Variants in ADAD2 observed in about 807,000 individuals in gnomAD.
The protein encoded by ADAD2 is adenosine deaminase domain containing 2.
ADAD2 carries 60 observed loss-of-function variants against 54.5 expected under a neutral mutation model. That is an observed-to-expected ratio of 1.10 (90% CI 0.89 to 1.36). The LOEUF (loss-of-function observed/expected upper bound fraction) is 1.36. ADAD2 is among the 40% of genes most tolerant of loss of function. The pLI is 0.00. For synonymous variants in ADAD2, 543 were observed against 366.2 expected (o/e 1.48, Z -5.51); for missense variants, 1,103 against 801.3 (o/e 1.38, Z -4.54).
chr16:84,194,418 T>C, intron 1 of ADAD2, 24 bp from the exon 2 acceptor site: 1 of 1,597,442 alleles, frequency 6.3e-7, no homozygotes, highest in East Asian at 2.2e-5. Context: ...AGGGGGCTGC[T>C]TCCTCACCTG....
Position 84,195,523 on chromosome 16 carries a change from C to G in ADAD2, c.885-7C>G, listed in dbSNP as rs770342153. 6.3e-7 allele frequency: 1 copy of G among 1,599,150 alleles called. No homozygotes were observed. The highest frequency in any genetic ancestry group is 8.5e-7 in the Non-Finnish European group (1 of 1,171,772). On this transcript the variant is annotated splice_region_variant and splice_polypyrimidine_tract_variant and intron_variant, in intron 5 of 9. Transcript: ENST00000315906. ...CTTCCCAACCACCCTGTGCCTGTCGCTCCTAGGTTCTTGTTCCGGCAGCTC... is the reference window on the plus strand; with the variant it reads ...CTTCCCAACCACCCTGTGCCTGTCGGTCCTAGGTTCTTGTTCCGGCAGCTC...
chr16:84,194,179 A>G (rs1325570573), intron 1 of ADAD2: 1 of 1,594,166 alleles, frequency 6.3e-7, no homozygotes, highest in Non-Finnish European at 8.6e-7. Context: ...GTTTCTGCTC[A>G]TCTGTGAAAT....
At chr16:84,196,587 G>A in intron 8 of ADAD2, 60 bp from the exon 9 acceptor site, 1 of 1,592,454 alleles carries the variant, frequency 6.3e-7, no homozygotes. Context: ...GAGGTGTGTA[G>A]CAGGCCTGCT....
At position 84,196,250 on chromosome 16, in the gene ADAD2, G is replaced by C. The variant is rs1261815878; in HGVS notation, c.1406G>C (p.Gly469Ala). 6.2e-7 allele frequency: 1 copy of C among 1,612,392 alleles called. No homozygotes were observed. The highest frequency in any genetic ancestry group is 1.7e-5 in the Admixed American group (1 of 60,016). The change falls in exon 8 of 10, where the codon GGG becomes GCG. Residue 469 changes from glycine to alanine, a missense_variant. By Grantham distance (60) the Gly-to-Ala change is moderately conservative. Coordinates refer to ENST00000315906, the MANE Select transcript of ADAD2 (RefSeq NM_001145400.2). ...YVRTALHLFA[G>A]PPVAPSEPTP... is the part of the protein sequence containing the mutation. ...CGGACCGCCCTGCACCTGTTTGCAG[G>C]GCCCCCGGTGGCCCCTTCCGAACCC...
rs766729032 is a variant in ADAD2 at position 84,194,649 on chromosome 16, G to C, written c.559+67G>C. The C allele has an allele frequency of 2.1e-5, 32 of 1,554,690 alleles. No individual in the cohort carries two copies. In the Middle Eastern group the frequency reaches 6.8e-4, roughly 33 times the overall value. On this transcript the variant is annotated intron_variant, in intron 2 of 9. Transcript: ENST00000315906. ...CAAGAGGACTGAGGCTGGCAGTCCC[G>C]TGGGGAGGCGGAAGTGGCTGTGCGT...
At position 84,194,631 on chromosome 16, in the gene ADAD2, A is replaced by T. The variant is rs11646787; in HGVS notation, c.559+49A>T. ...CTGAGCCGCAGCTGGGGACAAGAGG[A>T]CTGAGGCTGGCAGTCCCGTGGGGAG... On this transcript the variant is annotated intron_variant, in intron 2 of 9. Transcript: ENST00000315906. 8.2e-4 allele frequency: 1,288 copies of T among 1,569,496 alleles called. 26 individuals are homozygous for T. The East Asian group carries it at 0.027, about 32-fold the overall frequency.
chr16:84,194,461 G>T lies in ADAD2; in HGVS notation c.438G>T (p.Ser146=), dbSNP rs149275516. ...DQPPGPCFPF[S]VSAELDGVVC... is the part of the protein sequence containing the mutation. The stretch of plus-strand genomic sequence containing the variant: ...CCCCAGGTCCCTGCTTCCCCTTCTC[G>T]GTGAGCGCGGAACTGGATGGGGTGG... The change falls in exon 2 of 10, where the codon TCG becomes TCT. Residue 146 remains serine, a synonymous_variant. Transcript: ENST00000315906. 2 of 1,607,356 alleles carry T rather than the reference G, an allele frequency of 1.2e-6. No homozygotes were observed. Among genetic ancestry groups the T allele is most frequent in the Non-Finnish European group, 1.7e-6 (2 of 1,179,558 alleles).
rs11864937 is a variant in ADAD2 at position 84,194,593 on chromosome 16, G to T, written c.559+11G>T. 0.29 allele frequency: 455,890 copies of T among 1,595,372 alleles called. 67,622 individuals are homozygous for T. Among genetic ancestry groups the T allele is most frequent in the African/African-American group, 0.44 (33,027 of 74,552 alleles). On this transcript the variant is annotated intron_variant, in intron 2 of 9. Transcript: ENST00000315906. Reference sequence around the variant, plus strand: ...AGCTGGAGAACCCAGGTAATGGAGGGAGGGCCAGGCAGCTGAGCCGCAGCT... The same window carrying T: ...AGCTGGAGAACCCAGGTAATGGAGGTAGGGCCAGGCAGCTGAGCCGCAGCT...
intron 1 of ADAD2, chr16:84,191,928 G>T: frequency 1.8e-6 from 1 of 563,554 alleles, no homozygotes; most frequent in Non-Finnish European, 3.2e-6. Flanking sequence ...AAGGCCCCCT[G>T]GTATTTCTGT....
At position 84,194,542 on chromosome 16, in the gene ADAD2, C is replaced by T. The variant is rs755053161; in HGVS notation, c.519C>T (p.Leu173=). 16 of 1,609,438 alleles carry T rather than the reference C, an allele frequency of 9.9e-6. No individual in the cohort carries two copies. Among genetic ancestry groups the T allele is most frequent in the South Asian group, 1.1e-5 (1 of 89,910 alleles). The change falls in exon 2 of 10, where the codon CTC becomes CTT. Residue 173 remains leucine (L), a synonymous_variant. Transcript: ENST00000315906. ...CGGAGGCCAAACAGCAGGCAGCGCT[C>T]TCTGCCCTCTGCTACATCCGGAGTC... The part of the protein sequence containing the change: ...SKTEAKQQAA[L]SALCYIRSQL...
chr16:84,195,838 G>T lies in ADAD2; in HGVS notation c.1076G>T (p.Gly359Val). Reference protein sequence around the residue: ...DIYLPPTSEGGLPHSPPMRLQ... With the variant: ...DIYLPPTSEGVLPHSPPMRLQ... ...AGCCTGCCCCCCACCTCGGAAGGTG[G>T]CCTCCCGCACAGCCCACCCATGCGC... is the stretch of plus-strand genomic sequence containing the variant. The change falls in exon 7 of 10, where the codon GGC becomes GTC. Residue 359 changes from glycine to valine, a missense_variant. Coordinates refer to ENST00000315906, the MANE Select transcript of ADAD2 (RefSeq NM_001145400.2). 1.9e-6 allele frequency: 3 copies of T among 1,605,292 alleles called. No homozygotes were observed. Among genetic ancestry groups the T allele is most frequent in the Non-Finnish European group, 2.5e-6 (3 of 1,177,562 alleles).
Position 84,195,330 on chromosome 16 carries a change from C to G in ADAD2, c.768C>G (p.Ile256Met), listed in dbSNP as rs1431574049. The G allele has an allele frequency of 3.1e-6, 5 of 1,610,868 alleles. No homozygotes were observed. The highest frequency in any genetic ancestry group is 4.2e-6 in the Non-Finnish European group (5 of 1,179,840). ...GTGCCAGGGGCCACGTGAAGGAGAT[C>G]TACAAGCTGGTGGCTCTGGGCACCG... ...IPRARGHVKE[I>M]YKLVALGTGS... The change falls in exon 5 of 10, where the codon ATC (isoleucine) becomes ATG (methionine). Residue 256 changes from isoleucine to methionine, a missense_variant. Transcript: ENST00000315906.
At chr16:84,193,342 C>T (rs890133735) in intron 1 of ADAD2, 2 of 152,160 alleles carry the variant, frequency 1.3e-5, no homozygotes, top group African/African-American at 4.8e-5. Context: ...TTACCTGAAA[C>T]AGTTCCTGTC....
chr16:84,195,108 T>C lies in ADAD2; in HGVS notation c.647T>C (p.Val216Ala). The C allele has an allele frequency of 2.5e-6, 4 of 1,613,726 alleles. No homozygotes were observed. Among genetic ancestry groups the C allele is most frequent in the Non-Finnish European group, 3.4e-6 (4 of 1,179,992 alleles). Residue 216 changes from valine (V) to alanine (A), a missense_variant, in exon 4 of 10, where the codon GTG (valine) becomes GCG (alanine). Physicochemically the swap from Val to Ala is moderately conservative, Grantham distance 64. Coordinates refer to ENST00000315906, the MANE Select transcript of ADAD2 (RefSeq NM_001145400.2). ...LTHEQRCAAL[V>A]SAGFDLLLDE... Reference sequence around the variant, plus strand: ...CATGAGCAGCGCTGCGCAGCGTTGGTGAGCGCCGGCTTTGACCTCCTGTTG... The same window carrying C: ...CATGAGCAGCGCTGCGCAGCGTTGGCGAGCGCCGGCTTTGACCTCCTGTTG...
In ADAD2 at chr16:84,197,056, G is replaced by A; in HGVS notation, c.*82G>A. On this transcript the variant is annotated 3_prime_UTR_variant, in exon 10 of 10. Coordinates refer to ENST00000315906, the MANE Select transcript of ADAD2 (RefSeq NM_001145400.2). ...TGCCCTATCTGAGGAGCGTTGTGGG[G>A]AGAACATGGGTTGTGCGGGGTGAAA... The A allele has an allele frequency of 7.1e-7, 1 of 1,399,516 alleles. No homozygotes were observed. Among genetic ancestry groups the A allele is most frequent in the Non-Finnish European group, 9.8e-7 (1 of 1,017,842 alleles). The allele number at this position is 1,399,516 out of a possible 1,614,324, so 86.7% of individuals were successfully genotyped here. A position where few individuals can be genotyped will look rare whatever the true frequency, so the allele number is the denominator to read the frequency against.
chr16:84,194,154 G>T (rs892462164), intron 1 of ADAD2: 2 of 1,610,192 alleles, frequency 1.2e-6, no homozygotes, highest in Non-Finnish European at 1.7e-6. Flanking sequence ...ACTCAAGTTG[G>T]GCAAACCGCC....
Position 84,195,361 on chromosome 16 carries a change from A to T in ADAD2, c.799A>T (p.Ser267Cys). 1.2e-6 allele frequency: 2 copies of T among 1,609,776 alleles called. No individual in the cohort carries two copies. Among genetic ancestry groups the T allele is most frequent in the Non-Finnish European group, 1.7e-6 (2 of 1,179,588 alleles). Residue 267 changes from serine (S) to cysteine (C), a missense_variant, in exon 5 of 10, where the codon AGC (serine) becomes TGC (cysteine). Coordinates refer to ENST00000315906, the MANE Select transcript of ADAD2 (RefSeq NM_001145400.2). ...YKLVALGTGS[S>C]CCAGWLEFSG... ...GCTGGTGGCTCTGGGCACCGGCAGC[A>T]GCTGCTGTGCTGGCTGGCTGGAGTT...
Position 84,196,988 on chromosome 16 carries a change from G to T in ADAD2, c.*14G>T. ...TTCAGAAACTGAAGCCAGCCTCGGC[G>T]GGACCGAGGTCCCGGAGCCAAGCTG... On this transcript the variant is annotated 3_prime_UTR_variant, in exon 10 of 10. Coordinates refer to ENST00000315906, the MANE Select transcript of ADAD2 (RefSeq NM_001145400.2). 1 of 1,577,956 alleles carries T rather than the reference G, an allele frequency of 6.3e-7. No homozygotes were observed. Among genetic ancestry groups the T allele is most frequent in the East Asian group, 2.3e-5 (1 of 43,364 alleles).
In ADAD2 at chr16:84,195,891, A is replaced by T. The variant is rs1452254567; in HGVS notation, c.1129A>T (p.Lys377Ter). 3 of 1,603,130 alleles carry T rather than the reference A, an allele frequency of 1.9e-6. No individual in the cohort carries two copies. Among genetic ancestry groups the T allele is most frequent in the South Asian group, 2.2e-5 (2 of 91,000 alleles). The change falls in exon 7 of 10, where the codon AAG (lysine) becomes TAG (stop). Residue 377 changes from lysine (K) to a stop codon, truncating the protein, a stop_gained. Coordinates refer to ENST00000315906, the MANE Select transcript of ADAD2 (RefSeq NM_001145400.2). LOFTEE classifies it high-confidence loss of function. Reference sequence around the variant, plus strand: ...GCAGGCCCATGTGCTCGGGCAGCTGAAGCCTGTGTGCTACGTGGCGCCCTC... The same window carrying T: ...GCAGGCCCATGTGCTCGGGCAGCTGTAGCCTGTGTGCTACGTGGCGCCCTC... ...RLQAHVLGQL[K>*]PVCYVAPSLC...
Sources: gnomAD v4.1 joint callset for allele counts on GRCh38, gnomAD v4.1.1 for gene constraint, MANE v1.5 for transcripts, NCBI Gene and HGNC (gene_info 2026-07-23, HGNC 2026-07-21) for gene names.